Variants in RIOK2 observed in about 807,000 individuals in gnomAD.
RIOK2 encodes serine/threonine-protein kinase RIO2.
In RIOK2, 46 loss-of-function variants were observed where a neutral mutation model predicts 62.4. The observed-to-expected ratio is 0.74, with a 90% CI of 0.58 to 0.94. The LOEUF (loss-of-function observed/expected upper bound fraction) is 0.94. Ranked by LOEUF, RIOK2 falls within the 40% of genes least tolerant of loss-of-function variation. RIOK2 has a pLI of 0.00. For missense variants in RIOK2, 574 were observed against 658.0 expected, an observed-to-expected ratio of 0.87 and a Z score of 1.40; for synonymous variants, 197 against 216.0, an observed-to-expected ratio of 0.91 and a Z score of 0.77.
Position 97,163,079 on chromosome 5 carries a change from G to A in RIOK2, c.1641C>T (p.Ala547=), listed in dbSNP as rs8654. The A allele has an allele frequency of 0.6, 961,232 of 1,608,142 alleles. 288,701 individuals are homozygous for A. Among genetic ancestry groups the A allele is most frequent in the South Asian group, 0.62 (56,586 of 90,906 alleles). Residue 547 remains alanine (A), a synonymous_variant, in exon 10 of 10, where the codon GCC becomes GCT. Coordinates refer to ENST00000283109, the MANE Select transcript of RIOK2 (RefSeq NM_018343.3). Reference sequence around the variant, plus strand: ...AAATATATTATTCTCCCCAAAAGCTGGCTGCTTCCAAACTTGATTTGATAT... The same window carrying A: ...AAATATATTATTCTCCCCAAAAGCTAGCTGCTTCCAAACTTGATTTGATAT... ...MQNIKSSLEA[A]SFWGE
chr5:97,176,834 G>A (rs530147961), intron 4 of RIOK2, among the ~76,000 whole-genome samples: 93 of 152,146 alleles, frequency 6.1e-4, no homozygotes, highest in Non-Finnish European at 1.1e-3. Context: ...TATTTGTGAG[G>A]TAACAGCATC....
intron 9 of RIOK2, among the ~76,000 whole-genome samples, chr5:97,163,428 G>A (rs1203524593): frequency 6.6e-6 from 1 of 152,106 alleles, no homozygotes; most frequent in Non-Finnish European, 1.5e-5. Context: ...TGTATAGGCA[G>A]AATTTTTAAA....
intron 7 of RIOK2, 140 bp downstream of exon 7, chr5:97,168,620 T>C: frequency 2.2e-6 from 1 of 462,200 alleles, no homozygotes; most frequent in South Asian, 6.4e-5. Context: ...GTTTCAGTTA[T>C]GTACTACAGA....
chr5:97,179,991 A>ATATATATATATAATATATAT (rs1561522013), intron 1 of RIOK2, among the ~76,000 whole-genome samples: 2 of 43,282 alleles, frequency 4.6e-5, no homozygotes, highest in African/African-American at 2.3e-4. Flanking sequence ...TATATATATA[A>ATATATATATATAATATATAT]AATATATATA....
At chr5:97,173,119 C>A in intron 5 of RIOK2, 56 bp downstream of exon 5, 3 of 1,297,758 alleles carry the variant, frequency 2.3e-6, no homozygotes, top group Non-Finnish European at 3.2e-6. Flanking sequence ...ATTAAAAACC[C>A]TGAAACTTAA....
At chr5:97,163,552 T>C (rs58203977) in intron 9 of RIOK2, among the ~76,000 whole-genome samples, 4,624 of 152,292 alleles carry the variant, frequency 0.03, 117 homozygotes, top group African/African-American at 0.069. Flanking sequence ...GTAGATTTTG[T>C]ATAGAAAATT....
intron 1 of RIOK2, among the ~76,000 whole-genome samples, chr5:97,180,832 G>A (rs1749387515): frequency 6.6e-6 from 1 of 152,040 alleles, no homozygotes; most frequent in Non-Finnish European, 1.5e-5. Flanking sequence ...AGGGTAAAGG[G>A]AACGGAAAGC....
Position 97,162,962 on chromosome 5 carries a change from T to C in RIOK2, c.*99A>G, listed in dbSNP as rs73143193. ...AGATGAAAGAGGGTTTATTTATTAA[T>C]ATATGATAGCCTTGGCTCAAAAAAG... is the stretch of plus-strand genomic sequence containing the variant. On this transcript the variant is annotated 3_prime_UTR_variant, in exon 10 of 10. Transcript: ENST00000283109. 14,174 of 978,770 alleles carry C rather than the reference T, an allele frequency of 0.014. 584 individuals are homozygous for C. Among genetic ancestry groups the C allele is most frequent in the African/African-American group, 0.12 (7,597 of 60,804 alleles). The allele number at this position is 978,770 out of a possible 1,614,324, so 60.6% of individuals were successfully genotyped here.
chr5:97,163,218 A>C lies in RIOK2; in HGVS notation c.1502T>G (p.Val501Gly), dbSNP rs761859219. 2 of 1,613,082 alleles carry C rather than the reference A, an allele frequency of 1.2e-6. No homozygotes were observed. Among genetic ancestry groups the C allele is most frequent in the Non-Finnish European group, 1.7e-6 (2 of 1,179,684 alleles). ...CAACTGACGTTTCACCTTCTGTTTC[A>C]CCAGTTCCTGGAAAGATTTCATAAA... ...VSCSTIPPEL[V>G]KQKVKRQLTK... is the part of the protein sequence containing the mutation. Residue 501 changes from valine (V) to glycine (G), a missense_variant, in exon 10 of 10, where the codon GTG becomes GGG. Physicochemically the swap from Val to Gly is moderately radical, Grantham distance 109. Coordinates refer to ENST00000283109, the MANE Select transcript of RIOK2 (RefSeq NM_018343.3).
At position 97,183,227 on chromosome 5, in the gene RIOK2, G is replaced by C; in HGVS notation, c.-36C>G. On this transcript the variant is annotated 5_prime_UTR_variant, in exon 1 of 10. Transcript: ENST00000283109. Reference sequence around the variant, plus strand: ...GTCCGAACCCAGATGCCTCTCCGACGACAGCCGCAAAGCGTAAGGCAGGTC... The same window carrying C: ...GTCCGAACCCAGATGCCTCTCCGACCACAGCCGCAAAGCGTAAGGCAGGTC... 6.2e-7 allele frequency: 1 copy of C among 1,610,738 alleles called. No homozygotes were observed. The highest frequency in any genetic ancestry group is 8.5e-7 in the Non-Finnish European group (1 of 1,176,984).
At chr5:97,183,059 T>C in intron 1 of RIOK2, 67 bp downstream of exon 1, 1 of 1,552,920 alleles carries the variant, frequency 6.4e-7, no homozygotes, top group Non-Finnish European at 8.9e-7. Context: ...CCCAGAAAAC[T>C]TGCAGGAACA....
Position 97,167,933 on chromosome 5 carries a change from C to G in RIOK2, c.931G>C (p.Ala311Pro). ...SASGYTKEMQ[A>P]DDELLHPLGP... ...AATGGATGAAGCAGTTCATCATCTGCCTGCATTTCCTTTGTGTAGCCACTG... is the reference window on the plus strand; with the variant it reads ...AATGGATGAAGCAGTTCATCATCTGGCTGCATTTCCTTTGTGTAGCCACTG... Residue 311 changes from alanine to proline, a missense_variant, in exon 8 of 10, where the codon GCA (alanine) becomes CCA (proline). Physicochemically the swap from Ala to Pro is conservative, Grantham distance 27. Coordinates refer to ENST00000283109, the MANE Select transcript of RIOK2 (RefSeq NM_018343.3). The G allele has an allele frequency of 6.2e-7, 1 of 1,608,214 alleles. No individual in the cohort carries two copies. Among genetic ancestry groups the G allele is most frequent in the East Asian group, 2.2e-5 (1 of 44,868 alleles).
chr5:97,168,922 T>C, intron 6 of RIOK2, 70 bp from the exon 7 acceptor site: 1 of 868,608 alleles, frequency 1.2e-6, no homozygotes, highest in East Asian at 2.7e-5. Context: ...CCAATGACAA[T>C]ATACTTATTG....
At chr5:97,168,941 T>C (rs1748920975) in intron 6 of RIOK2, 89 bp from the exon 7 acceptor site, 3 of 656,340 alleles carry the variant, frequency 4.6e-6, no homozygotes, top group Non-Finnish European at 7.6e-6. Context: ...TGGTTAATGG[T>C]ATTGCTCCTC....
At chr5:97,181,055 C>T (rs1033530368) in intron 1 of RIOK2, among the ~76,000 whole-genome samples, 3 of 151,780 alleles carry the variant, frequency 2.0e-5, no homozygotes, top group Non-Finnish European at 2.9e-5. Flanking sequence ...GGGTGGATCA[C>T]GAGGTCAAGA....
At chr5:97,178,942 C>T in intron 2 of RIOK2, 113 bp downstream of exon 2, 1 of 1,201,914 alleles carries the variant, frequency 8.3e-7, no homozygotes, top group Non-Finnish European at 1.2e-6. Flanking sequence ...TCTGTCAGTT[C>T]TTCGTCTAAT....
chr5:97,164,763 G>C (rs746008643), intron 9 of RIOK2, among the ~76,000 whole-genome samples: 1 of 152,124 alleles, frequency 6.6e-6, no homozygotes, highest in Non-Finnish European at 1.5e-5. Context: ...TTAGTCAACA[G>C]GCTGCCTAAA....
intron 8 of RIOK2, 42 bp from the exon 9 acceptor site, chr5:97,165,189 A>G (rs1349819542): frequency 1.1e-6 from 1 of 951,856 alleles, no homozygotes; most frequent in Non-Finnish European, 1.5e-6. Context: ...TAATTTGTAT[A>G]ATGTAATGAA....
In RIOK2 at chr5:97,177,233, T is replaced by C. The variant is rs1250036284; in HGVS notation, c.381A>G (p.Leu127=). The part of the protein sequence containing the change: ...GQQFALKLHR[L]GRTSFRNLKN... Reference sequence around the variant, plus strand: ...TCAAATTTCGAAACGAGGTTCTTCCTAGTCTGTGAAGCTTTAATGCAAATT... The same window carrying C: ...TCAAATTTCGAAACGAGGTTCTTCCCAGTCTGTGAAGCTTTAATGCAAATT... The change falls in exon 4 of 10, where the codon CTA becomes CTG. Residue 127 remains leucine (L), a synonymous_variant. Transcript: ENST00000283109. 6.2e-7 allele frequency: 1 copy of C among 1,613,512 alleles called. No individual in the cohort carries two copies.
Sources: gnomAD v4.1 joint callset for allele counts (sites outside exome capture counted in the v4.1 genomes callset) on GRCh38, gnomAD v4.1.1 for gene constraint, MANE v1.5 for transcripts, NCBI Gene and HGNC (gene_info 2026-07-23, HGNC 2026-07-21) for gene names.